MAP4: variants seen among roughly 807,000 people sequenced by gnomAD.
The protein encoded by MAP4 is microtubule-associated protein 4.
MAP4 carries 76 observed loss-of-function variants against 170.2 expected under a neutral mutation model. That is an observed-to-expected ratio of 0.45 (90% CI 0.37 to 0.54). The LOEUF (loss-of-function observed/expected upper bound fraction) is 0.54, where lower values mean the gene tolerates loss of function less well. Among genes scored for constraint, MAP4 ranks in the 20% least tolerant of loss-of-function variants. MAP4 has a pLI of 0.00. For missense variants in MAP4, 2,506 were observed against 2,748.0 expected (o/e 0.91, Z 1.97); for synonymous variants, 909 against 994.5 (o/e 0.91, Z 1.62).
intron 3 of MAP4, among the ~76,000 whole-genome samples, chr3:47,946,964 A>C (rs1239459617): frequency 6.6e-6 from 1 of 152,212 alleles, no homozygotes; most frequent in Non-Finnish European, 1.5e-5. Flanking sequence ...GTAAACATTA[A>C]ACTGTATTCA....
Position 47,916,566 on chromosome 3 carries a change from C to A in MAP4, c.1261G>T (p.Ala421Ser). ...TCTGTGGATGATATAATGTCATTAGCCTGTGCCACCTCTATTTCTGAGAGT... is the reference window on the plus strand; with the variant it reads ...TCTGTGGATGATATAATGTCATTAGACTGTGCCACCTCTATTTCTGAGAGT... Reference protein sequence around the residue: ...VLLSEIEVAQANDIISSTEIS... With the variant: ...VLLSEIEVAQSNDIISSTEIS... Residue 421 changes from alanine (A) to serine (S), a missense_variant, in exon 7 of 21, where the codon GCT becomes TCT. Around this residue, in one of 3 missense-constraint regions of MAP4, gnomAD observed 2,008 missense variants for 2,206.0 expected, o/e 0.91. Transcript: ENST00000683076. 1 of 1,614,126 alleles carries A rather than the reference C, an allele frequency of 6.2e-7. No homozygotes were observed. Among genetic ancestry groups the A allele is most frequent in the South Asian group, 1.1e-5 (1 of 91,080 alleles).
At chr3:48,022,852 C>T (rs927056829) in intron 1 of MAP4, among the ~76,000 whole-genome samples, 2 of 151,780 alleles carry the variant, frequency 1.3e-5, no homozygotes, top group Non-Finnish European at 2.9e-5. Flanking sequence ...GATTGCGCCA[C>T]GGCACTCCAG....
Position 47,855,238 on chromosome 3 carries a change from C to A in MAP4, c.6696+10G>T. Reference sequence around the variant, plus strand: ...CCCCAGCTGTGTCTCCCCAGTGACCCACTCGCTACCTTCACAGCACCTCCT... The same window carrying A: ...CCCCAGCTGTGTCTCCCCAGTGACCAACTCGCTACCTTCACAGCACCTCCT... On this transcript the variant is annotated intron_variant, in intron 19 of 20. Transcript: ENST00000683076. The surrounding 1 kb of genome is among the most constrained non-coding windows in gnomAD (Gnocchi z 5.1). The A allele has an allele frequency of 6.2e-7, 1 of 1,603,226 alleles. No homozygotes were observed. Among genetic ancestry groups the A allele is most frequent in the Non-Finnish European group, 8.5e-7 (1 of 1,170,092 alleles).
intron 1 of MAP4, among the ~76,000 whole-genome samples, chr3:48,013,066 C>T (rs1157777446): frequency 6.6e-6 from 1 of 151,832 alleles, no homozygotes. Flanking sequence ...AAGTACAATA[C>T]ACTCTTTAAA....
Position 47,855,542 on chromosome 3 carries a change from A to G in MAP4, c.6584-182T>C, listed in dbSNP as rs543410963. Among the ~76,000 whole-genome samples, 36 of 152,354 alleles carry G rather than the reference A, an allele frequency of 2.4e-4. No individual in the cohort carries two copies. Among genetic ancestry groups the G allele is most frequent in the Admixed American group, 6.5e-4 (10 of 15,296 alleles). On this transcript the variant is annotated intron_variant, in intron 18 of 20. Coordinates refer to ENST00000683076, the MANE Select transcript of MAP4 (RefSeq NM_001385682.1). This position sits in a 1 kb window ranked among gnomAD's most constrained non-coding sequence, Gnocchi z 5.1. Reference sequence around the variant, plus strand: ...TCTCATATCACAGTGAGGCTGAGACAATCTCTCCGTCCAGCCAGTGGGAAT... The same window carrying G: ...TCTCATATCACAGTGAGGCTGAGACGATCTCTCCGTCCAGCCAGTGGGAAT...
intron 3 of MAP4, among the ~76,000 whole-genome samples, chr3:47,977,043 T>C (rs1233985550): frequency 6.6e-6 from 1 of 152,158 alleles, no homozygotes. Flanking sequence ...ACTGCAATAA[T>C]ATGAATCAAA....
At position 47,867,262 on chromosome 3, in the gene MAP4, A is replaced by T. The variant is rs766765722; in HGVS notation, c.6485T>A (p.Val2162Asp). ...KCGSKDNIKHVPGGGNVQIQN... is the reference protein window; with the variant it reads ...KCGSKDNIKHDPGGGNVQIQN... ...TATACTTACATTACCACCTCCAGGG[A>T]CATGCTTAATATTGTCCTTGGAACC... The change falls in exon 17 of 21, where the codon GTC becomes GAC. Residue 2162 changes from valine (V) to aspartate (D), a missense_variant. By Grantham distance (152) the Val-to-Asp change is radical. Around this residue, in one of 3 missense-constraint regions of MAP4, gnomAD observed 487 missense variants for 511.6 expected, o/e 0.95. Coordinates refer to ENST00000683076, the MANE Select transcript of MAP4 (RefSeq NM_001385682.1). 6.2e-7 allele frequency: 1 copy of T among 1,612,112 alleles called. No homozygotes were observed. Among genetic ancestry groups the T allele is most frequent in the Non-Finnish European group, 8.5e-7 (1 of 1,178,412 alleles).
intron 1 of MAP4, among the ~76,000 whole-genome samples, chr3:48,059,972 C>CA (rs5848847): frequency 0.62 from 86,126 of 138,674 alleles, 26,365 homozygotes; most frequent in East Asian, 0.71. Context: ...GACTCTGTCT[C>CA]AAAAAAAAAA....
At chr3:48,032,852 G>A (rs765868987) in intron 1 of MAP4, among the ~76,000 whole-genome samples, 16 of 152,064 alleles carry the variant, frequency 1.1e-4, no homozygotes, top group Non-Finnish European at 2.4e-4. Context: ...GCTGACTCTC[G>A]TTAAAGCTTC....
intron 10 of MAP4, chr3:47,890,901 T>G: frequency 1.3e-6 from 1 of 764,534 alleles, no homozygotes; most frequent in Non-Finnish European, 2.0e-6. Context: ...GAATTAAGCT[T>G]TCCCCAGGCA....
intron 3 of MAP4, among the ~76,000 whole-genome samples, chr3:47,944,767 A>T (rs1358944168): frequency 6.6e-6 from 1 of 151,614 alleles, no homozygotes; most frequent in Non-Finnish European, 1.5e-5. Context: ...CAAACTGTTT[A>T]TATATATATC....
chr3:47,925,827 A>T (rs1026172920), intron 4 of MAP4, among the ~76,000 whole-genome samples: 2 of 152,198 alleles, frequency 1.3e-5, no homozygotes, highest in South Asian at 2.1e-4. Context: ...ATAAATAGAT[A>T]AATAGATAGG....
At chr3:48,083,550 G>T (rs1035962682) in intron 1 of MAP4, among the ~76,000 whole-genome samples, 1 of 151,538 alleles carries the variant, frequency 6.6e-6, no homozygotes, top group Non-Finnish European at 1.5e-5. Context: ...ATTTTTAGTA[G>T]AGACGGGGTT....
At chr3:47,872,250 C>A (rs367692759) in intron 12 of MAP4, 150 bp from the exon 13 acceptor site, 3 of 659,810 alleles carry the variant, frequency 4.5e-6, no homozygotes, top group East Asian at 5.7e-5. Flanking sequence ...GTGGCATGAT[C>A]TCGGCTCACT....
chr3:48,074,676 T>TTGTGTGTGTGTGTGTGTGTGTG (rs555691222), intron 1 of MAP4, among the ~76,000 whole-genome samples: 24 of 90,620 alleles, frequency 2.6e-4, no homozygotes, highest in African/African-American at 9.3e-4. Context: ...ATCCAGCTAA[T>TTGTGTGTGTGTGTGTGTGTGTG]TGTGTGTGTG....
At chr3:47,898,858 A>T (rs1373870389) in intron 10 of MAP4, among the ~76,000 whole-genome samples, 3 of 151,984 alleles carry the variant, frequency 2.0e-5, no homozygotes, top group African/African-American at 4.8e-5. Flanking sequence ...TGGGAGGCTG[A>T]AGAAGGAGGA....
At chr3:48,019,686 A>G (rs2100109610), upstream of MAP4, among the ~76,000 whole-genome samples, 1 of 152,148 alleles carries the variant, frequency 6.6e-6, no homozygotes, top group African/African-American at 2.4e-5. Flanking sequence ...AGAGTACAAG[A>G]CCAGCCTGGG....
intron 2 of MAP4, among the ~76,000 whole-genome samples, chr3:47,982,936 C>A (rs953750241): frequency 6.6e-6 from 1 of 152,184 alleles, no homozygotes; most frequent in African/African-American, 2.4e-5. Context: ...CTAGCTCTAT[C>A]GCCAAGACTG....
chr3:48,058,327 A>G (rs974992134), intron 1 of MAP4, among the ~76,000 whole-genome samples: 41 of 152,232 alleles, frequency 2.7e-4, no homozygotes, highest in Non-Finnish European at 5.1e-4. Flanking sequence ...CGAGGCTTAA[A>G]AAGTACCATG....
Sources: allele counts gnomAD v4.1 joint callset (sites outside exome capture counted in the v4.1 genomes callset), GRCh38; gene constraint gnomAD v4.1.1; regional missense constraint gnomAD v4.1.1; non-coding constraint Gnocchi (gnomAD v3.1); transcripts MANE v1.5; gene names NCBI Gene and HGNC (gene_info 2026-07-23, HGNC 2026-07-21).